AKR1B1: variants seen among roughly 807,000 people sequenced by gnomAD.
AKR1B1 encodes the protein aldo-keto reductase family 1 member B1.
A neutral mutation model predicts 40.4 loss-of-function variants in AKR1B1; 22 were observed. That is an observed-to-expected ratio of 0.54 (90% CI 0.39 to 0.78). The LOEUF is 0.78. Among genes scored for constraint, AKR1B1 ranks in the 30% least tolerant of loss-of-function variants. The pLI, the probability that AKR1B1 is intolerant of heterozygous loss-of-function variation, is 0.00. For synonymous variants in AKR1B1, 157 were observed against 149.9 expected (o/e 1.05, Z -0.35); for missense variants, 357 against 396.7 (o/e 0.90, Z 0.85).
chr7:134,451,738 C>G lies in AKR1B1; in HGVS notation c.82G>C (p.Val28Leu), dbSNP rs555243165. 6.2e-7 allele frequency: 1 copy of G among 1,614,130 alleles called. No individual in the cohort carries two copies. Among genetic ancestry groups the G allele is most frequent in the South Asian group, 1.1e-5 (1 of 91,072 alleles). Reference protein sequence around the residue: ...LGTWKSPPGQVTEAVKVAIDV... With the variant: ...LGTWKSPPGQLTEAVKVAIDV... The stretch of plus-strand genomic sequence containing the variant: ...ATGGCCACCTTCACGGCCTCAGTCA[C>G]CTGCCCTGGAGGGGACTGAAAGGAG... Residue 28 changes from valine (V) to leucine (L), a missense_variant, in exon 2 of 10, where the codon GTG (valine) becomes CTG (leucine). Val to Leu is a conservative substitution (Grantham distance 32). Transcript: ENST00000285930.
chr7:134,447,548 T>C (rs534982330), intron 7 of AKR1B1, 167 bp from the exon 8 acceptor site: 26 of 696,940 alleles, frequency 3.7e-5, no homozygotes, highest in East Asian at 1.1e-4. Context: ...AGGCGACGCA[T>C]TCAGGTCCAG....
rs143752752 is a variant in AKR1B1 at position 134,448,235 on chromosome 7, A to G, written c.659+152T>C. 333 of 914,030 alleles carry G rather than the reference A, an allele frequency of 3.6e-4. 1 individual carries two copies. The African/African-American group carries it at 4.9e-3, about 13-fold the overall frequency. The allele number at this position is 914,030 out of a possible 1,614,324, so 56.6% of individuals were successfully genotyped here. A position where few individuals can be genotyped will look rare whatever the true frequency, so the allele number is the denominator to read the frequency against. ...AAAGAGTAGGTGTCTTGCTACTAGA[A>G]ACTCCAACCCTTCCAGGAAAACCAG... On this transcript the variant is annotated intron_variant, in intron 6 of 9. Transcript: ENST00000285930.
At chr7:134,448,310 T>C in intron 6 of AKR1B1, 77 bp downstream of exon 6, 3 of 1,340,498 alleles carry the variant, frequency 2.2e-6, no homozygotes, top group South Asian at 2.4e-5. Context: ...ACATCTTCCT[T>C]GAGGCTGAAT....
At chr7:134,442,839 G>A (rs1352621928) in intron 9 of AKR1B1, 69 bp from the exon 10 acceptor site, 1 of 1,393,524 alleles carries the variant, frequency 7.2e-7, no homozygotes, top group African/African-American at 1.4e-5. Context: ...ACTCCCAACA[G>A]AGAAATGATG....
At chr7:134,449,212 C>T in intron 4 of AKR1B1, 93 bp from the exon 5 acceptor site, 1 of 1,543,876 alleles carries the variant, frequency 6.5e-7, no homozygotes, top group Non-Finnish European at 8.9e-7. Context: ...GTCCTGCCCT[C>T]ACTCTTCAGT....
Position 134,451,655 on chromosome 7 carries a change from C to CAA in AKR1B1, c.164_165insTT (p.Gly56TrpfsTer14). Reference sequence around the variant, plus strand: ...TGAGCTTCTCCTGAATGGCCACCCCCACCTCATTCTCATTCTGGTACACAT... The same window carrying CAA: ...TGAGCTTCTCCTGAATGGCCACCCCCAAACCTCATTCTCATTCTGGTACACAT... On this transcript the variant is annotated frameshift_variant, in exon 2 of 10. Coordinates refer to ENST00000285930, the MANE Select transcript of AKR1B1 (RefSeq NM_001628.4). LOFTEE classifies it high-confidence loss of function. 1 of 1,614,196 alleles carries CAA rather than the reference C, an allele frequency of 6.2e-7. No homozygotes were observed. Among genetic ancestry groups the CAA allele is most frequent in the Non-Finnish European group, 8.5e-7 (1 of 1,180,042 alleles).
In AKR1B1 at chr7:134,451,749, G is replaced by T; in HGVS notation, c.71C>A (p.Pro24His). 1 of 1,614,082 alleles carries T rather than the reference G, an allele frequency of 6.2e-7. No homozygotes were observed. Among genetic ancestry groups the T allele is most frequent in the Middle Eastern group, 1.6e-4 (1 of 6,062 alleles). ...CACGGCCTCAGTCACCTGCCCTGGA[G>T]GGGACTGAAAGGAGAAAGAACGTGA... Reference protein sequence around the residue: ...PILGLGTWKSPPGQVTEAVKV... With the variant: ...PILGLGTWKSHPGQVTEAVKV... The change falls in exon 2 of 10, where the codon CCT becomes CAT. Residue 24 changes from proline to histidine, a missense_variant. By Grantham distance (77) the Pro-to-His change is moderately conservative. Coordinates refer to ENST00000285930, the MANE Select transcript of AKR1B1 (RefSeq NM_001628.4).
At chr7:134,448,544 T>C (rs1806180040) in intron 5 of AKR1B1, 51 bp from the exon 6 acceptor site, 2 of 1,376,218 alleles carry the variant, frequency 1.5e-6, no homozygotes, top group Non-Finnish European at 2.1e-6. Flanking sequence ...TACACGCTGA[T>C]GGGACACAGA....
At chr7:134,447,202 G>T (rs1438740298) in intron 8 of AKR1B1, 96 bp downstream of exon 8, 11 of 1,111,548 alleles carry the variant, frequency 9.9e-6, no homozygotes, top group Non-Finnish European at 1.2e-5. Context: ...GAGGATGGTG[G>T]TGATCCCACA....
At chr7:134,442,814 T>C in intron 9 of AKR1B1, 44 bp from the exon 10 acceptor site, 2 of 1,580,368 alleles carry the variant, frequency 1.3e-6, no homozygotes, top group Non-Finnish European at 8.7e-7. Flanking sequence ...GAAGAGGTGA[T>C]TTTGACTATA....
At position 134,447,319 on chromosome 7, in the gene AKR1B1, T is replaced by A; in HGVS notation, c.804A>T (p.Glu268Asp). 2 of 1,614,106 alleles carry A rather than the reference T, an allele frequency of 1.2e-6. No individual in the cohort carries two copies. Among genetic ancestry groups the A allele is most frequent in the Non-Finnish European group, 1.7e-6 (2 of 1,180,000 alleles). ...LVVIPKSVTP[E>D]RIAENFKVFD... is the part of the protein sequence containing the mutation. ...TTACCTTAAAGTTCTCAGCAATGCG[T>A]TCTGGTGTCACAGACTTGGGGATCA... Residue 268 changes from glutamate (E) to aspartate (D), a missense_variant, in exon 8 of 10, where the codon GAA becomes GAT. Glu to Asp is a conservative substitution (Grantham distance 45). Coordinates refer to ENST00000285930, the MANE Select transcript of AKR1B1 (RefSeq NM_001628.4).
intron 7 of AKR1B1, chr7:134,447,684 C>A: frequency 1.6e-6 from 1 of 610,320 alleles, no homozygotes; most frequent in Non-Finnish European, 2.9e-6. Flanking sequence ...AAAGAACATT[C>A]CCTGCACGGC....
chr7:134,451,472 G>A, intron 2 of AKR1B1, 114 bp downstream of exon 2: 7 of 1,331,070 alleles, frequency 5.3e-6, no homozygotes, highest in Non-Finnish European at 6.5e-6. Context: ...TCCCCGGGAA[G>A]AATCGCCCAT....
intron 4 of AKR1B1, 195 bp from the exon 5 acceptor site, chr7:134,449,314 C>G: frequency 1.4e-6 from 1 of 734,212 alleles, no homozygotes; most frequent in East Asian, 2.7e-5. Context: ...AGGCCGGGCG[C>G]GGTGGCTCAC....
intron 8 of AKR1B1, among the ~76,000 whole-genome samples, chr7:134,445,921 G>C (rs59827891): frequency 0.032 from 4,849 of 152,352 alleles, 216 homozygotes; most frequent in African/African-American, 0.09. Flanking sequence ...CTGGCATGGA[G>C]GCTGGGAGGG....
chr7:134,452,512 A>G (rs750504171), intron 1 of AKR1B1, among the ~76,000 whole-genome samples: 1 of 152,216 alleles, frequency 6.6e-6, no homozygotes, highest in African/African-American at 2.4e-5. Flanking sequence ...AAGCCACCTG[A>G]CCATCTGAGT....
At chr7:134,458,045 C>T (rs893339776) in intron 1 of AKR1B1, among the ~76,000 whole-genome samples, 5 of 152,176 alleles carry the variant, frequency 3.3e-5, no homozygotes, top group African/African-American at 1.2e-4. Flanking sequence ...CAGGTTATGG[C>T]TGTGGAATAT....
chr7:134,458,276 G>T (rs1016857686), intron 1 of AKR1B1, among the ~76,000 whole-genome samples: 7 of 151,956 alleles, frequency 4.6e-5, no homozygotes, highest in Admixed American at 6.5e-5. Context: ...GGTTTTACAG[G>T]GAAAATGCTA....
chr7:134,447,204 G>A (rs1780446329), intron 8 of AKR1B1, 94 bp downstream of exon 8: 2 of 1,141,504 alleles, frequency 1.8e-6, no homozygotes, highest in African/African-American at 1.5e-5. Context: ...GGATGGTGGT[G>A]ATCCCACAGA....
Sources: allele counts gnomAD v4.1 joint callset (sites outside exome capture counted in the v4.1 genomes callset), GRCh38; gene constraint gnomAD v4.1.1; transcripts MANE v1.5; gene names NCBI Gene and HGNC (gene_info 2026-07-23, HGNC 2026-07-21).